The following ADGRF5 variants were observed in gnomAD, a reference collection of about 807,000 sequenced individuals.
ADGRF5 encodes G-protein coupled receptor 116.
ADGRF5 carries 75 observed loss-of-function variants against 132.3 expected under a neutral mutation model. That is an observed-to-expected ratio of 0.57 (90% confidence interval 0.47 to 0.69). The LOEUF is 0.69. ADGRF5 is among the 30% of genes least tolerant of loss of function. The probability of loss-of-function intolerance (pLI) is 0.00; values close to 1 mark genes in which losing one functional copy is unlikely to be tolerated. For synonymous variants in ADGRF5, 629 were observed against 597.6 expected (o/e 1.05, Z -0.77); for missense variants, 1,516 against 1,630.6 (o/e 0.93, Z 1.21).
chr6:46,871,884 G>T lies in ADGRF5; in HGVS notation c.1370C>A (p.Ala457Asp). 1 of 1,610,304 alleles carries T rather than the reference G, an allele frequency of 6.2e-7. No homozygotes were observed. Among genetic ancestry groups the T allele is most frequent in the Non-Finnish European group, 8.5e-7 (1 of 1,177,282 alleles). ...CACTTTTATGTTTGCACTGCCTCTGGCTCCATAGGCACTGATGAACTCACA... is the reference window on the plus strand; with the variant it reads ...CACTTTTATGTTTGCACTGCCTCTGTCTCCATAGGCACTGATGAACTCACA... ...YTCEFISAYG[A>D]RGSANIKVTF... The change falls in exon 11 of 21, where the codon GCC becomes GAC. Residue 457 changes from alanine to aspartate, a missense_variant. Ala to Asp is a moderately radical substitution (Grantham distance 126). Transcript: ENST00000283296.
At position 46,890,525 on chromosome 6, in the gene ADGRF5, C is replaced by T. The variant is rs1412150426; in HGVS notation, c.158-2020G>A. Among the ~76,000 whole-genome samples the T allele has an allele frequency of 8.6e-4, 25 of 28,944 alleles. No individual in the cohort carries two copies. The Admixed American group carries it at 0.01, about 12-fold the overall frequency. The allele number at this position is 28,944 out of a possible 152,430, so 19.0% of individuals were successfully genotyped here. Reference sequence around the variant, plus strand: ...TTGAGGTCAGGAGTTCGAGACCAGCCTGGCCAACATGGGAAACCCCGTCTC... The same window carrying T: ...TTGAGGTCAGGAGTTCGAGACCAGCTTGGCCAACATGGGAAACCCCGTCTC... On this transcript the variant is annotated intron_variant, in intron 3 of 20. Coordinates refer to ENST00000283296, the MANE Select transcript of ADGRF5 (RefSeq NM_001098518.2).
At chr6:46,883,923 G>T (rs987399502) in intron 5 of ADGRF5, among the ~76,000 whole-genome samples, 172 bp downstream of exon 5, 1 of 152,142 alleles carries the variant, frequency 6.6e-6, no homozygotes, top group Non-Finnish European at 1.5e-5. Flanking sequence ...TGCATTTTTA[G>T]TAGAGGCAGG....
intron 1 of ADGRF5, among the ~76,000 whole-genome samples, chr6:46,931,782 G>C (rs529673681): frequency 6.6e-6 from 1 of 152,140 alleles, no homozygotes; most frequent in Non-Finnish European, 1.5e-5. Flanking sequence ...GTCACTAAAA[G>C]AATGACTAAC....
rs139221728 is a variant in ADGRF5, at chr6:46,859,052, C to T, written c.2851G>A (p.Glu951Lys). ...AAGTTCCAGAAGACACACTTCGTTTCGCCGCCTGAAGGGCTATTGTTCTTA... is the reference window on the plus strand; with the variant it reads ...AAGTTCCAGAAGACACACTTCGTTTTGCCGCCTGAAGGGCTATTGTTCTTA... ...TFKNNSPSGG[E>K]TKCVFWNFRL... Residue 951 changes from glutamate to lysine, a missense_variant, in exon 17 of 21, where the codon GAA (glutamate) becomes AAA (lysine). Physicochemically the swap from Glu to Lys is moderately conservative, Grantham distance 56. This residue lies in a region of ADGRF5 where 571 missense variants were observed against 701.2 expected (regional missense o/e 0.81). Transcript: ENST00000283296. 312 of 1,614,044 alleles carry T rather than the reference C, an allele frequency of 1.9e-4. 1 individual carries two copies. Among genetic ancestry groups the T allele is most frequent in the Non-Finnish European group, 2.4e-4 (289 of 1,180,030 alleles).
chr6:46,931,496 A>T (rs575752268), intron 1 of ADGRF5, among the ~76,000 whole-genome samples: 2 of 152,286 alleles, frequency 1.3e-5, no homozygotes, highest in South Asian at 4.1e-4. Flanking sequence ...CTGTAGCACC[A>T]TTTGACATAG....
At chr6:46,866,885 G>T in intron 13 of ADGRF5, 40 bp downstream of exon 13, 1 of 1,285,824 alleles carries the variant, frequency 7.8e-7, no homozygotes, top group South Asian at 1.2e-5. Context: ...CCACATATGT[G>T]AAATAATATA....
At chr6:46,937,158 G>T (rs896826440) in intron 1 of ADGRF5, among the ~76,000 whole-genome samples, 4 of 151,968 alleles carry the variant, frequency 2.6e-5, no homozygotes, top group Non-Finnish European at 5.9e-5. Flanking sequence ...ACAAACAAAT[G>T]AGTTATATGT....
intron 15 of ADGRF5, 133 bp from the exon 16 acceptor site, chr6:46,861,027 A>G (rs1016639478): frequency 2.2e-5 from 14 of 648,756 alleles, no homozygotes; most frequent in Non-Finnish European, 3.4e-5. Flanking sequence ...AATATGTCCC[A>G]TAAGATGATG....
At chr6:46,950,107 C>T (rs1055640116) in intron 1 of ADGRF5, among the ~76,000 whole-genome samples, 14 of 152,164 alleles carry the variant, frequency 9.2e-5, no homozygotes, top group South Asian at 2.1e-4. Context: ...GGGAAGGGAC[C>T]TTTGAGGTCA....
chr6:46,948,169 A>C (rs1561843306), intron 1 of ADGRF5, among the ~76,000 whole-genome samples: 3 of 152,202 alleles, frequency 2.0e-5, no homozygotes, highest in Non-Finnish European at 4.4e-5. Context: ...ATTAAGTAAC[A>C]AATTGGCCTT....
chr6:46,947,443 T>G (rs1301832773), intron 1 of ADGRF5, among the ~76,000 whole-genome samples: 1 of 152,240 alleles, frequency 6.6e-6, no homozygotes, highest in Non-Finnish European at 1.5e-5. Context: ...TGCACACTCA[T>G]GCACACAAAT....
intron 1 of ADGRF5, among the ~76,000 whole-genome samples, chr6:46,915,743 A>T (rs1352250178): frequency 6.7e-6 from 1 of 149,974 alleles, no homozygotes; most frequent in Non-Finnish European, 1.5e-5. Context: ...CCCCACCCCC[A>T]ACCCCAAGAA....
intron 3 of ADGRF5, among the ~76,000 whole-genome samples, chr6:46,898,023 C>A (rs1410752829): frequency 6.6e-6 from 1 of 152,150 alleles, no homozygotes; most frequent in Admixed American, 6.5e-5. Context: ...CACAGAGGTC[C>A]ATGTATAATA....
chr6:46,926,591 T>C (rs1419707675), upstream of ADGRF5, among the ~76,000 whole-genome samples: 1 of 152,184 alleles, frequency 6.6e-6, no homozygotes, highest in Non-Finnish European at 1.5e-5. Flanking sequence ...CAATGGCCTG[T>C]GAGCCGTCCA....
At chr6:46,928,106 T>G (rs1777347159) in intron 1 of ADGRF5, among the ~76,000 whole-genome samples, 2 of 152,194 alleles carry the variant, frequency 1.3e-5, no homozygotes, top group South Asian at 4.1e-4. Flanking sequence ...CAAGTCAGAT[T>G]GGGTTCCAGA....
intron 1 of ADGRF5, among the ~76,000 whole-genome samples, chr6:46,951,014 C>G (rs2113847075): frequency 6.6e-6 from 1 of 152,312 alleles, no homozygotes; most frequent in South Asian, 2.1e-4. Context: ...AAATATTGAG[C>G]CAGATATAGT....
chr6:46,888,796 G>C (rs752396894), intron 3 of ADGRF5, among the ~76,000 whole-genome samples: 1 of 152,172 alleles, frequency 6.6e-6, no homozygotes, highest in Admixed American at 6.5e-5. Context: ...ATATGTCACA[G>C]TCAGGACTCA....
At chr6:46,929,236 G>C (rs1393657540) in intron 1 of ADGRF5, among the ~76,000 whole-genome samples, 1 of 151,890 alleles carries the variant, frequency 6.6e-6, no homozygotes, top group South Asian at 2.1e-4. Flanking sequence ...GCAAACTATC[G>C]CAAGGACAAA....
At chr6:46,910,597 C>T (rs184391267) in intron 1 of ADGRF5, among the ~76,000 whole-genome samples, 1 of 152,092 alleles carries the variant, frequency 6.6e-6, no homozygotes, top group Non-Finnish European at 1.5e-5. Flanking sequence ...TGAGGCCACA[C>T]AGCTGATAGA....
Sources: gnomAD v4.1 joint callset for allele counts (sites outside exome capture counted in the v4.1 genomes callset) on GRCh38, gnomAD v4.1.1 for gene constraint, gnomAD v4.1.1 regional missense constraint, MANE v1.5 for transcripts, NCBI Gene and HGNC (gene_info 2026-07-23, HGNC 2026-07-21) for gene names.